The following ATP8B3 variants were observed in gnomAD, a reference collection of about 807,000 sequenced individuals.
ATP8B3 encodes the protein phospholipid-transporting ATPase IK.
A neutral mutation model predicts 140.9 loss-of-function variants in ATP8B3; 141 were observed. That is an observed-to-expected ratio of 1.00 (90% CI 0.87 to 1.15). The LOEUF is 1.15. ATP8B3 is among the 50% of genes most tolerant of loss of function. The pLI, the probability that ATP8B3 is intolerant of heterozygous loss-of-function variation, is 0.00. For synonymous variants in ATP8B3, 765 were observed against 714.6 expected, an observed-to-expected ratio of 1.07 and a Z score of -1.13; for missense variants, 1,874 against 1,740.6, an observed-to-expected ratio of 1.08 and a Z score of -1.36.
At chr19:1,808,093 A>G in intron 5 of ATP8B3, 129 bp downstream of exon 5, 1 of 696,042 alleles carries the variant, frequency 1.4e-6, no homozygotes, top group East Asian at 3.0e-5. Flanking sequence ...TGGGCAGGGT[A>G]GTAGGGACTC....
At position 1,791,932 on chromosome 19, in the gene ATP8B3, G is replaced by A. The variant is rs540027312; in HGVS notation, c.2190+69C>T. On this transcript the variant is annotated intron_variant, in intron 19 of 28. Transcript: ENST00000310127. ...CCAGCTCCCTGGCGGGGGCAGGAGA[G>A]TCCCAGGGCCCCCTTGGGTGCCCCC... The A allele has an allele frequency of 4.0e-5, 63 of 1,591,510 alleles. No homozygotes were observed. The African/African-American group carries it at 7.4e-4, about 19-fold the overall frequency.
Position 1,787,190 on chromosome 19 carries a change from A to G in ATP8B3, c.3070-4T>C. The G allele has an allele frequency of 6.2e-7, 1 of 1,606,296 alleles. No homozygotes were observed. The highest frequency in any genetic ancestry group is 1.1e-5 in the South Asian group (1 of 89,838). ...GGAACCATCCTTCATACAGGGGCTG[A>G]GCCGGGGGAGAAGGGCAAGGAGAAC... On this transcript the variant is annotated splice_region_variant and splice_polypyrimidine_tract_variant and intron_variant, in intron 24 of 28. Coordinates refer to ENST00000310127, the MANE Select transcript of ATP8B3 (RefSeq NM_138813.4).
rs1204769706 is a variant in ATP8B3, at chr19:1,796,934, TC to T, written c.1584+39del. On this transcript the variant is annotated intron_variant, in intron 15 of 28. Transcript: ENST00000310127. ...TGGGTGGGCCGCTCCCCGTGCCCCG[TC>T]CCCCTCACCGTCCCGCGCTGCAAGC... The T allele has an allele frequency of 2.5e-6, 4 of 1,612,236 alleles. No homozygotes were observed. In the Admixed American group the frequency reaches 6.7e-5, roughly 27 times the overall value.
chr19:1,784,693 C>G, intron 28 of ATP8B3, 126 bp downstream of exon 28: 1 of 1,319,512 alleles, frequency 7.6e-7, no homozygotes, highest in Middle Eastern at 2.7e-4. Flanking sequence ...CACCCTTCCC[C>G]CAAGCCTAGT....
chr19:1,811,131 A>T (rs4807143), intron 2 of ATP8B3, among the ~76,000 whole-genome samples: 1 of 152,110 alleles, frequency 6.6e-6, no homozygotes, highest in Non-Finnish European at 1.5e-5. Context: ...GGGCTCAGTC[A>T]TCTGTTCACT....
Position 1,806,186 on chromosome 19 carries a change from T to C in ATP8B3, c.678-17A>G, listed in dbSNP as rs1348084696. ...TGCTTGAAGCTGCGGGGAGAGGGGG[T>C]TGTGAAGGAGGCCCCTCCCTCTGCC... is the stretch of plus-strand genomic sequence containing the variant. On this transcript the variant is annotated splice_polypyrimidine_tract_variant and intron_variant, in intron 7 of 28. Coordinates refer to ENST00000310127, the MANE Select transcript of ATP8B3 (RefSeq NM_138813.4). This position sits in a 1 kb window ranked among gnomAD's most constrained non-coding sequence, Gnocchi z 5.6. The C allele has an allele frequency of 6.4e-7, 1 of 1,573,640 alleles. No homozygotes were observed. The highest frequency in any genetic ancestry group is 1.8e-5 in the Admixed American group (1 of 54,334).
At position 1,800,978 on chromosome 19, in the gene ATP8B3, G is replaced by A. The variant is rs960225045; in HGVS notation, c.1153-529C>T. Among the ~76,000 whole-genome samples the A allele has an allele frequency of 1.5e-4, 23 of 150,946 alleles. No homozygotes were observed. Among genetic ancestry groups the A allele is most frequent in the African/African-American group, 5.1e-4 (21 of 41,028 alleles). On this transcript the variant is annotated intron_variant, in intron 12 of 28. Transcript: ENST00000310127. The surrounding 1 kb of genome is among the most constrained non-coding windows in gnomAD (Gnocchi z 4.4). ...CGAGTAGCTGGGACTACAGGCGCCCGCCACCACGCCCGGCTAATTTTTTGT... is the reference window on the plus strand; with the variant it reads ...CGAGTAGCTGGGACTACAGGCGCCCACCACCACGCCCGGCTAATTTTTTGT...
Position 1,785,726 on chromosome 19 carries a change from CTCTTGGGATTGGGTGGGGGGCGGGGG to C in ATP8B3, c.3154-44_3154-19del. Reference sequence around the variant, plus strand: ...CTCACGTCCTTGGGGCAAGCAGAAGCTCTTGGGATTGGGTGGGGGGCGGGGGACACCCAACAGAGATCAGGATCTCC... The same window carrying C: ...CTCACGTCCTTGGGGCAAGCAGAAGCACACCCAACAGAGATCAGGATCTCC... On this transcript the variant is annotated intron_variant, in intron 25 of 28. Coordinates refer to ENST00000310127, the MANE Select transcript of ATP8B3 (RefSeq NM_138813.4). 1 of 1,545,728 alleles carries C rather than the reference CTCTTGGGATTGGGTGGGGGGCGGGGG, an allele frequency of 6.5e-7. No individual in the cohort carries two copies. Among genetic ancestry groups the C allele is most frequent in the Non-Finnish European group, 8.7e-7 (1 of 1,143,614 alleles).
chr19:1,792,930 G>A lies in ATP8B3; in HGVS notation c.2056-795C>T, dbSNP rs78485997. ...ATTCTGTTTCAAAAAAAAAAAAAAA[G>A]AAAAGAAAACTGAGCTGCCCCTGCT... On this transcript the variant is annotated intron_variant, in intron 18 of 28. Coordinates refer to ENST00000310127, the MANE Select transcript of ATP8B3 (RefSeq NM_138813.4). 6.8e-3 allele frequency among the ~76,000 whole-genome samples: 290 copies of A among 42,414 alleles called. 14 individuals carry two copies. The highest frequency in any genetic ancestry group is 0.012 in the Middle Eastern group (1 of 82). 27.8% of individuals were successfully genotyped at this position (42,414 alleles called of 152,430 possible).
Position 1,800,751 on chromosome 19 carries a change from G to A in ATP8B3, c.1153-302C>T, listed in dbSNP as rs1444393234. Among the ~76,000 whole-genome samples the A allele has an allele frequency of 2.0e-5, 3 of 152,166 alleles. No homozygotes were observed. Among genetic ancestry groups the A allele is most frequent in the African/African-American group, 4.8e-5 (2 of 41,434 alleles). On this transcript the variant is annotated intron_variant, in intron 12 of 28. Transcript: ENST00000310127. This position sits in a 1 kb window ranked among gnomAD's most constrained non-coding sequence, Gnocchi z 4.4. The stretch of plus-strand genomic sequence containing the variant: ...GAGGCCGAGGATCGCTTGAGCCCAG[G>A]AGGCTGCAGTGAGATATCATGGCGC...
In ATP8B3 at chr19:1,785,310, C is replaced by T. The variant is rs750223932; in HGVS notation, c.3394-13G>A. On this transcript the variant is annotated splice_polypyrimidine_tract_variant and intron_variant, in intron 26 of 28. Transcript: ENST00000310127. ...TGATAAGAATGACCTGGACAGGCAG[C>T]GGTGGGGTAAATCCGGGGCCTAGCG... 4.2e-5 allele frequency: 66 copies of T among 1,580,626 alleles called. No homozygotes were observed. Among genetic ancestry groups the T allele is most frequent in the Middle Eastern group, 1.7e-4 (1 of 5,916 alleles).
chr19:1,787,025 C>G, intron 25 of ATP8B3, 78 bp downstream of exon 25: 1 of 1,394,274 alleles, frequency 7.2e-7, no homozygotes, highest in Non-Finnish European at 9.9e-7. Flanking sequence ...GGCTCCCTCT[C>G]CCCGCCCCAA....
At chr19:1,795,812 C>CAT (rs1474543621) in intron 18 of ATP8B3, 63 bp downstream of exon 18, 10 of 920,192 alleles carry the variant, frequency 1.1e-5, no homozygotes, top group Non-Finnish European at 1.7e-6. Context: ...CACACACACA[C>CAT]ACACACACAC....
intron 10 of ATP8B3, among the ~76,000 whole-genome samples, chr19:1,803,805 A>G (rs2068926291): frequency 1.3e-5 from 2 of 150,468 alleles, no homozygotes; most frequent in African/African-American, 4.9e-5. Context: ...CTGAGGCAGG[A>G]GAATCGCTTG....
chr19:1,808,167 A>G (rs1474948710), intron 5 of ATP8B3, 55 bp downstream of exon 5: 45 of 1,406,488 alleles, frequency 3.2e-5, no homozygotes, highest in Non-Finnish European at 4.2e-5. Context: ...AGACAAACAC[A>G]TCGATGCTGC....
intron 21 of ATP8B3, 68 bp downstream of exon 21, chr19:1,790,689 G>C (rs1266088899): frequency 2.2e-6 from 2 of 905,944 alleles, no homozygotes; most frequent in Admixed American, 4.3e-5. Flanking sequence ...AGTGAGACAC[G>C]CACCTGGGTG....
Position 1,807,113 on chromosome 19 carries a change from C to A in ATP8B3, c.615+55G>T, listed in dbSNP as rs2069048037. On this transcript the variant is annotated intron_variant, in intron 6 of 28. Coordinates refer to ENST00000310127, the MANE Select transcript of ATP8B3 (RefSeq NM_138813.4). The surrounding 1 kb of genome is among the most constrained non-coding windows in gnomAD (Gnocchi z 5.9). ...CCACTCTCGCCCAGGGATCAAGAGA[C>A]CCCCCCGACCGGCCCCGCTCCCTCC... 6.9e-7 allele frequency: 1 copy of A among 1,453,034 alleles called. No homozygotes were observed. Among genetic ancestry groups the A allele is most frequent in the Non-Finnish European group, 9.6e-7 (1 of 1,043,448 alleles). The allele number at this position is 1,453,034 out of a possible 1,614,324, so 90.0% of individuals were successfully genotyped here. A position where few individuals can be genotyped will look rare whatever the true frequency, so the allele number is the denominator to read the frequency against.
chr19:1,800,015 T>A lies in ATP8B3; in HGVS notation c.1484A>T (p.Asp495Val). ...HLGQVEYIFSDKTGTLTQNIL... is the reference protein window; with the variant it reads ...HLGQVEYIFSVKTGTLTQNIL... ...GTTCTGCGTGAGCGTGCCCGTCTTG[T>A]CCGAGAAGATGTATTCCACCTGGCC... is the stretch of plus-strand genomic sequence containing the variant. Residue 495 changes from aspartate to valine, a missense_variant, in exon 14 of 29, where the codon GAC (aspartate) becomes GTC (valine). Asp to Val is a radical substitution (Grantham distance 152, BLOSUM62 -3). Transcript: ENST00000310127. The surrounding 1 kb of genome is among the most constrained non-coding windows in gnomAD (Gnocchi z 4.4). The A allele has an allele frequency of 6.2e-7, 1 of 1,606,352 alleles. No individual in the cohort carries two copies. Among genetic ancestry groups the A allele is most frequent in the Non-Finnish European group, 8.5e-7 (1 of 1,176,656 alleles).
In ATP8B3 at chr19:1,805,632, C is replaced by T. The variant is rs2068987370; in HGVS notation, c.822-176G>A. ...AGGCCTTGCCCAAGGCCACACAGCA[C>T]ATTTGCAAAGTGCTGAGGCCAGGGC... On this transcript the variant is annotated intron_variant, in intron 9 of 28. Coordinates refer to ENST00000310127, the MANE Select transcript of ATP8B3 (RefSeq NM_138813.4). The surrounding 1 kb of genome is among the most constrained non-coding windows in gnomAD (Gnocchi z 5.2). Among the ~76,000 whole-genome samples, 1 of 152,076 alleles carries T rather than the reference C, an allele frequency of 6.6e-6. No individual in the cohort carries two copies. Among genetic ancestry groups the T allele is most frequent in the South Asian group, 2.1e-4 (1 of 4,834 alleles).
Sources: gnomAD v4.1 joint callset for allele counts (sites outside exome capture counted in the v4.1 genomes callset) on GRCh38, gnomAD v4.1.1 for gene constraint, Gnocchi (gnomAD v3.1) non-coding constraint, MANE v1.5 for transcripts, NCBI Gene and HGNC (gene_info 2026-07-23, HGNC 2026-07-21) for gene names.